The following TRMT11 variants were observed in gnomAD, a reference collection of about 807,000 sequenced individuals.
TRMT11 encodes tRNA methyltransferase 11, also known as tRNA (guanine(10)-N(2))-methyltransferase TRMT11.
TRMT11 carries 53 observed loss-of-function variants against 62.8 expected under a neutral mutation model. That is an observed-to-expected ratio of 0.84 (90% CI 0.68 to 1.06). TRMT11 has a LOEUF of 1.06. TRMT11 is among the 50% of genes least tolerant of loss of function. The probability of loss-of-function intolerance (pLI) is 0.00; values close to 1 mark genes in which losing one functional copy is unlikely to be tolerated. For missense variants in TRMT11, 556 were observed against 553.4 expected (o/e 1.00, Z -0.05); for synonymous variants, 188 against 190.3 (o/e 0.99, Z 0.10).
rs201946904 is a variant in TRMT11 at position 126,011,633 on chromosome 6, G to A, written c.925+216G>A. 8.6e-5 allele frequency among the ~76,000 whole-genome samples: 13 copies of A among 151,950 alleles called. No individual in the cohort carries two copies. In the East Asian group the frequency reaches 2.5e-3, roughly 29 times the overall value. On this transcript the variant is annotated intron_variant, in intron 9 of 12. Transcript: ENST00000334379. ...TTTTGTTTTTTTAAACAAATATATTGGCTTGCCATCCCCTGTTATATCCTT... is the reference window on the plus strand; with the variant it reads ...TTTTGTTTTTTTAAACAAATATATTAGCTTGCCATCCCCTGTTATATCCTT...
rs559499702 is a variant in TRMT11, at chr6:126,089,729, A to G, written c.*1438-23137A>G. Among the ~76,000 whole-genome samples the G allele has an allele frequency of 4.6e-5, 7 of 152,326 alleles. No homozygotes were observed. In the East Asian group the frequency reaches 1.2e-3, roughly 25 times the overall value. On this transcript the variant is annotated intron_variant and NMD_transcript_variant, in intron 17 of 22. Transcript: ENST00000648977. Reference sequence around the variant, plus strand: ...AGGTTTTCTTCTTAATTTAAGTTCAACTGTAAGTCATTAGGAATTTATGTC... The same window carrying G: ...AGGTTTTCTTCTTAATTTAAGTTCAGCTGTAAGTCATTAGGAATTTATGTC...
At chr6:126,136,186 G>T (rs1012221650) in intron 21 of TRMT11, among the ~76,000 whole-genome samples, 2 of 151,410 alleles carry the variant, frequency 1.3e-5, no homozygotes, top group Non-Finnish European at 1.5e-5. Context: ...TGGAAAGCAG[G>T]AAGTCAAATT....
intron 12 of TRMT11, among the ~76,000 whole-genome samples, chr6:126,036,137 C>T (rs985851570): frequency 1.3e-5 from 2 of 151,922 alleles, no homozygotes; most frequent in African/African-American, 4.8e-5. Context: ...CCTAGAGGGG[C>T]CATGAGGAGA....
chr6:126,012,871 T>C lies in TRMT11; in HGVS notation c.1007+19T>C, dbSNP rs1794428729. The stretch of plus-strand genomic sequence containing the variant: ...AAAAATGGTAAGTGAAATTTAAATA[T>C]GATGTGTTACTACCTTGAGAAGAGG... On this transcript the variant is annotated intron_variant, in intron 10 of 12. Transcript: ENST00000334379. 1 of 1,610,772 alleles carries C rather than the reference T, an allele frequency of 6.2e-7. No individual in the cohort carries two copies. The highest frequency in any genetic ancestry group is 8.5e-7 in the Non-Finnish European group (1 of 1,177,082).
the TRMT11 span, among the ~76,000 whole-genome samples, chr6:126,270,058 A>G: frequency 6.6e-6 from 1 of 152,188 alleles, no homozygotes; most frequent in African/African-American, 2.4e-5. Context: ...AGATAGGGAA[A>G]ATACCTGGAA....
intron 7 of TRMT11, among the ~76,000 whole-genome samples, chr6:126,007,321 C>T (rs1225225971): frequency 1.3e-5 from 2 of 151,932 alleles, no homozygotes; most frequent in Non-Finnish European, 2.9e-5. Context: ...GATCTTGACC[C>T]TCCAGAGGCA....
intron 21 of TRMT11, among the ~76,000 whole-genome samples, chr6:126,120,895 G>A (rs1277297718): frequency 6.6e-6 from 1 of 152,086 alleles, no homozygotes; most frequent in Non-Finnish European, 1.5e-5. Context: ...CCCTAAGTTT[G>A]GTTTGCTTCC....
At chr6:126,021,963 T>C (rs1350419768) in intron 12 of TRMT11, among the ~76,000 whole-genome samples, 8 of 152,084 alleles carry the variant, frequency 5.3e-5, no homozygotes, top group Admixed American at 4.6e-4. Flanking sequence ...TCTCTTAAAT[T>C]CACTGGAAAC....
the TRMT11 span, among the ~76,000 whole-genome samples, chr6:126,219,093 T>C: frequency 3.8e-4 from 58 of 152,342 alleles, no homozygotes; most frequent in African/African-American, 1.3e-3. Context: ...AGGGGTGTTG[T>C]TGGCAATTCA....
chr6:126,199,097 A>G (rs948472027), intron 2 of TRMT11, among the ~76,000 whole-genome samples: 5 of 152,242 alleles, frequency 3.3e-5, no homozygotes, highest in African/African-American at 1.2e-4. Context: ...ATAACTGGAC[A>G]TCCATTAAAT....
intron 1 of TRMT11, among the ~76,000 whole-genome samples, chr6:126,186,048 A>G (rs1301634042): frequency 2.0e-5 from 3 of 152,172 alleles, no homozygotes; most frequent in African/African-American, 7.2e-5. Context: ...CACCCTCCAT[A>G]ATGATATGTG....
chr6:126,223,404 G>C, the TRMT11 span, among the ~76,000 whole-genome samples: 2 of 149,956 alleles, frequency 1.3e-5, no homozygotes, highest in African/African-American at 2.5e-5. Flanking sequence ...CTGGGCAACA[G>C]AGCAAGACTC....
chr6:126,262,230 G>A, the TRMT11 span, among the ~76,000 whole-genome samples: 8 of 152,286 alleles, frequency 5.3e-5, no homozygotes, highest in Admixed American at 2.6e-4. Flanking sequence ...AAGCAGAGCC[G>A]CTGCAGAACT....
intron 21 of TRMT11, among the ~76,000 whole-genome samples, chr6:126,153,205 C>T (rs1158343785): frequency 1.3e-5 from 2 of 152,136 alleles, no homozygotes; most frequent in African/African-American, 4.8e-5. Flanking sequence ...ACATTTATGA[C>T]ATAATTTATA....
rs112254051 is a variant in TRMT11 at position 126,061,632 on chromosome 6, G to T, written c.*1437+8442G>T. On this transcript the variant is annotated intron_variant and NMD_transcript_variant, in intron 17 of 22. Transcript: ENST00000648977. Reference sequence around the variant, plus strand: ...GACTGTTGCTGTTATCTGCCCAGGTGCCTATTTCTCCTTCATTTGGTAATG... The same window carrying T: ...GACTGTTGCTGTTATCTGCCCAGGTTCCTATTTCTCCTTCATTTGGTAATG... Among the ~76,000 whole-genome samples the T allele has an allele frequency of 4.6e-5, 7 of 150,848 alleles. No homozygotes were observed. In the East Asian group the frequency reaches 7.8e-4, roughly 17 times the overall value.
At chr6:126,060,006 A>G (rs916876307) in intron 17 of TRMT11, among the ~76,000 whole-genome samples, 2 of 152,244 alleles carry the variant, frequency 1.3e-5, no homozygotes, top group Non-Finnish European at 2.9e-5. Flanking sequence ...ATCATGGTCA[A>G]TGGAAACGTG....
At chr6:126,257,953 T>C in the TRMT11 span, 1 of 1,556,746 alleles carries the variant, frequency 6.4e-7, no homozygotes, top group Admixed American at 1.7e-5. Flanking sequence ...AGCTTCTGCA[T>C]GCCCCGGATC....
At chr6:126,084,647 T>C (rs1777195156) in intron 17 of TRMT11, among the ~76,000 whole-genome samples, 1 of 152,198 alleles carries the variant, frequency 6.6e-6, no homozygotes, top group African/African-American at 2.4e-5. Flanking sequence ...AAGGCCAATG[T>C]CCAAGAGCTT....
intron 21 of TRMT11, among the ~76,000 whole-genome samples, chr6:126,125,961 C>A (rs1055148505): frequency 1.3e-5 from 2 of 152,130 alleles, no homozygotes; most frequent in Non-Finnish European, 2.9e-5. Flanking sequence ...TTCAAAAAAT[C>A]AAGATACTGC....
Sources: allele counts gnomAD v4.1 joint callset (sites outside exome capture counted in the v4.1 genomes callset), GRCh38; gene constraint gnomAD v4.1.1; transcripts MANE v1.5; gene names NCBI Gene and HGNC (gene_info 2026-07-23, HGNC 2026-07-21).